Variants in KIAA0930 observed in about 807,000 individuals in gnomAD.
KIAA0930 encodes KIAA0930.
Under a neutral mutation model 43.9 loss-of-function variants are expected in KIAA0930, and 24 were observed. The ratio of observed to expected loss-of-function variants is 0.55; its 90% CI spans 0.40 to 0.77. The LOEUF (loss-of-function observed/expected upper bound fraction) is 0.77. KIAA0930 is among the 30% of genes least tolerant of loss of function. The pLI, the probability that KIAA0930 is intolerant of heterozygous loss-of-function variation, is 0.00. For synonymous variants in KIAA0930, 259 were observed against 216.4 expected (o/e 1.20, Z -1.73); for missense variants, 461 against 574.2 (o/e 0.80, Z 2.02).
intron 5 of KIAA0930, among the ~76,000 whole-genome samples, chr22:45,204,382 G>A (rs895627110): frequency 2.0e-5 from 3 of 152,152 alleles, no homozygotes; most frequent in Non-Finnish European, 4.4e-5. Context: ...GCCCACCTGG[G>A]GTGACAACAC....
At position 45,213,438 on chromosome 22, in the gene KIAA0930, G is replaced by A. The variant is rs2083711880; in HGVS notation, c.65-1331C>T. 5.5e-6 allele frequency: 7 copies of A among 1,284,120 alleles called. No homozygotes were observed. The South Asian group carries it at 7.6e-5, about 14-fold the overall frequency. 79.5% of individuals were successfully genotyped at this position (1,284,120 alleles called of 1,614,324 possible). On this transcript the variant is annotated intron_variant, in intron 1 of 9. Transcript: ENST00000336156. ...AGCCTTGTCAGCCTCCAGGGGTGAG[G>A]GCCAGGAGAGCCCACGGGACTGGCA...
At chr22:45,232,760 CAG>C (rs1331240080) in intron 1 of KIAA0930, among the ~76,000 whole-genome samples, 1 of 152,158 alleles carries the variant, frequency 6.6e-6, no homozygotes, top group Non-Finnish European at 1.5e-5. Context: ...GCCCATCCTG[CAG>C]AGTGGGCTGG....
At chr22:45,219,091 T>C (rs906852715) in intron 1 of KIAA0930, among the ~76,000 whole-genome samples, 2 of 152,188 alleles carry the variant, frequency 1.3e-5, no homozygotes, top group African/African-American at 4.8e-5. Context: ...AATCACAATA[T>C]GGGATGGGGG....
At chr22:45,203,325 G>A (rs2083606659) in intron 6 of KIAA0930, 141 bp from the exon 7 acceptor site, 1 of 833,368 alleles carries the variant, frequency 1.2e-6, no homozygotes, top group South Asian at 1.8e-5. Context: ...CTGGCAGGCG[G>A]GGCAGCTGGA....
At chr22:45,231,040 G>A (rs915009375) in intron 1 of KIAA0930, among the ~76,000 whole-genome samples, 2 of 151,922 alleles carry the variant, frequency 1.3e-5, no homozygotes, top group Non-Finnish European at 2.9e-5. Context: ...CCTGAGGCCA[G>A]GAGTTCAAGA....
chr22:45,197,854 A>C lies in KIAA0930; in HGVS notation c.1110T>G (p.Asp370Glu). Residue 370 changes from aspartate to glutamate, a missense_variant, in exon 9 of 10, where the codon GAT becomes GAG. By Grantham distance (45) the Asp-to-Glu change is conservative (BLOSUM62 2). Coordinates refer to ENST00000336156, the MANE Select transcript of KIAA0930 (RefSeq NM_001009880.2). ...VGSWLKLNRADGNFLLYAHLT... is the reference protein window; with the variant it reads ...VGSWLKLNRAEGNFLLYAHLT... ...AGTGTGCATAGAGAAGGAAGTTTCCATCTGCTCTGTTCAGCTTCAGCCAGG... is the reference window on the plus strand; with the variant it reads ...AGTGTGCATAGAGAAGGAAGTTTCCCTCTGCTCTGTTCAGCTTCAGCCAGG... 6.2e-7 allele frequency: 1 copy of C among 1,614,134 alleles called. No homozygotes were observed. Among genetic ancestry groups the C allele is most frequent in the Non-Finnish European group, 8.5e-7 (1 of 1,179,950 alleles).
intron 4 of KIAA0930, 131 bp from the exon 5 acceptor site, chr22:45,205,449 G>A (rs1366014331): frequency 1.2e-5 from 11 of 921,106 alleles, no homozygotes; most frequent in African/African-American, 1.6e-5. Flanking sequence ...CAGGAGATGT[G>A]GGGGATAAGC....
chr22:45,235,056 C>A (rs1471182076), intron 1 of KIAA0930, among the ~76,000 whole-genome samples: 1 of 151,978 alleles, frequency 6.6e-6, no homozygotes, highest in African/African-American at 2.4e-5. Flanking sequence ...TAACAAGTCT[C>A]CTGCTTGGGG....
intron 9 of KIAA0930, 103 bp downstream of exon 9, chr22:45,197,687 G>GT: frequency 7.9e-7 from 1 of 1,271,758 alleles, no homozygotes; most frequent in East Asian, 2.3e-5. Flanking sequence ...CCAACCGACA[G>GT]GACAGGGCGG....
At chr22:45,213,592 T>G in intron 1 of KIAA0930, 1 of 698,544 alleles carries the variant, frequency 1.4e-6, no homozygotes, top group Non-Finnish European at 1.9e-6. Flanking sequence ...CCTTGCAAAA[T>G]TAAGCAAAGC....
rs1165908713 is a variant in KIAA0930 at position 45,199,983 on chromosome 22, A to G, written c.905T>C (p.Phe302Ser). The G allele has an allele frequency of 6.2e-7, 1 of 1,608,658 alleles. No homozygotes were observed. Among genetic ancestry groups the G allele is most frequent in the Non-Finnish European group, 8.5e-7 (1 of 1,177,342 alleles). Residue 302 changes from phenylalanine (F) to serine (S), a missense_variant, in exon 8 of 10, where the codon TTC becomes TCC. By Grantham distance (155) the Phe-to-Ser change is radical. Transcript: ENST00000336156. ...CTTCCTCTTGAGGGATGGGGAGAAG[A>G]AGGCAGGCCGGTTGTTCCGTTCTGG... ...PTPERNNRPA[F>S]FSPSLKRKVP...
At chr22:45,226,085 A>C in intron 1 of KIAA0930, 1 of 360,546 alleles carries the variant, frequency 2.8e-6, no homozygotes, top group Non-Finnish European at 5.7e-6. Context: ...GAACGACAAG[A>C]AACACAGGAC....
chr22:45,202,711 G>C (rs2083599734), intron 7 of KIAA0930: 1 of 349,416 alleles, frequency 2.9e-6, no homozygotes, highest in Non-Finnish European at 5.2e-6. Context: ...GGCAGAAAGA[G>C]CTCTGGCCCA....
chr22:45,215,205 G>A (rs567818712), intron 1 of KIAA0930, among the ~76,000 whole-genome samples: 33 of 152,304 alleles, frequency 2.2e-4, no homozygotes, highest in South Asian at 4.1e-4. Flanking sequence ...GAGACAGAGC[G>A]AGACCCTGTC....
At position 45,200,605 on chromosome 22, in the gene KIAA0930, C is replaced by G. The variant is rs1043627855; in HGVS notation, c.853-570G>C. 1.1e-4 allele frequency among the ~76,000 whole-genome samples: 17 copies of G among 152,232 alleles called. No individual in the cohort carries two copies. In the East Asian group the frequency reaches 3.3e-3, roughly 29 times the overall value. ...TCCCTCTCATTCCCAGCACCCTTCA[C>G]AGGAAATACTGTGCTAAGTAGCTCT... is the stretch of plus-strand genomic sequence containing the variant. On this transcript the variant is annotated intron_variant, in intron 7 of 9. Coordinates refer to ENST00000336156, the MANE Select transcript of KIAA0930 (RefSeq NM_001009880.2).
chr22:45,213,539 G>A (rs1334208009), intron 1 of KIAA0930: 14 of 1,162,500 alleles, frequency 1.2e-5, no homozygotes, highest in East Asian at 6.5e-5. Context: ...AATTCCTGCC[G>A]CGTTTTTGCA....
At chr22:45,212,142 C>T (rs376634287) in intron 1 of KIAA0930, 35 bp from the exon 2 acceptor site, 83 of 1,613,532 alleles carry the variant, frequency 5.1e-5, no homozygotes, top group Middle Eastern at 3.3e-4. Flanking sequence ...TGAGGAAGGA[C>T]GGCCACCCTG....
chr22:45,213,959 C>T (rs2083715724), intron 1 of KIAA0930, among the ~76,000 whole-genome samples: 1 of 151,870 alleles, frequency 6.6e-6, no homozygotes, highest in Middle Eastern at 3.4e-3. Context: ...TGCAGTGAGC[C>T]GAGATCGCAC....
At position 45,200,142 on chromosome 22, in the gene KIAA0930, G is replaced by A. The variant is rs1170068540; in HGVS notation, c.853-107C>T. On this transcript the variant is annotated intron_variant, in intron 7 of 9. Coordinates refer to ENST00000336156, the MANE Select transcript of KIAA0930 (RefSeq NM_001009880.2). The stretch of plus-strand genomic sequence containing the variant: ...CAAACAACCTGACACAGCTCCCAGG[G>A]AAGAGGCCGCTGGCCCAGGAGGACC... 4.2e-6 allele frequency: 5 copies of A among 1,188,008 alleles called. No individual in the cohort carries two copies. In the African/African-American group the frequency reaches 6.4e-5, roughly 15 times the overall value. The allele number at this position is 1,188,008 out of a possible 1,614,324, so 73.6% of individuals were successfully genotyped here. A position where few individuals can be genotyped will look rare whatever the true frequency, so the allele number is the denominator to read the frequency against.
Sources: gnomAD v4.1 joint callset for allele counts (sites outside exome capture counted in the v4.1 genomes callset) on GRCh38, gnomAD v4.1.1 for gene constraint, MANE v1.5 for transcripts, NCBI Gene and HGNC (gene_info 2026-07-23, HGNC 2026-07-21) for gene names.